The following JCAD variants were observed in gnomAD, a reference collection of about 807,000 sequenced individuals.
JCAD encodes junctional cadherin 5 associated.
Under a neutral mutation model 98.0 loss-of-function variants are expected in JCAD, and 40 were observed. The ratio of observed to expected loss-of-function variants is 0.41; its 90% CI spans 0.32 to 0.53. The LOEUF (loss-of-function observed/expected upper bound fraction) is 0.53, where lower values mean the gene tolerates loss of function less well. Ranked by LOEUF, JCAD falls within the 20% of genes least tolerant of loss-of-function variation. The probability of loss-of-function intolerance (pLI) is 0.31; values close to 1 mark genes in which losing one functional copy is unlikely to be tolerated. For missense variants in JCAD, 1,705 were observed against 1,738.1 expected (o/e 0.98, Z 0.34); for synonymous variants, 691 against 682.3 (o/e 1.01, Z -0.20).
intron 2 of JCAD, among the ~76,000 whole-genome samples, chr10:30,036,544 G>A (rs776792543): frequency 6.6e-6 from 1 of 152,186 alleles, no homozygotes; most frequent in East Asian, 1.9e-4. Context: ...AGGTCCTCAT[G>A]AGCCACACTG....
intron 1 of JCAD, among the ~76,000 whole-genome samples, chr10:30,089,563 G>C (rs896210205): frequency 6.8e-6 from 1 of 146,002 alleles, no homozygotes; most frequent in African/African-American, 2.7e-5. Context: ...TGCTACTAAT[G>C]GCTGTCAGGG....
At chr10:30,054,789 C>A (rs895509930) in intron 1 of JCAD, among the ~76,000 whole-genome samples, 1 of 151,644 alleles carries the variant, frequency 6.6e-6, no homozygotes, top group Non-Finnish European at 1.5e-5. Flanking sequence ...CCTGCCTCAG[C>A]CTCCGGAGTA....
intron 1 of JCAD, among the ~76,000 whole-genome samples, chr10:30,083,852 C>T (rs772589142): frequency 1.1e-4 from 16 of 151,972 alleles, no homozygotes; most frequent in Admixed American, 3.9e-4. Context: ...CATAGTGAGA[C>T]GCCATCTTTA....
chr10:30,099,462 A>G (rs1349608636), intron 1 of JCAD, among the ~76,000 whole-genome samples: 1 of 152,154 alleles, frequency 6.6e-6, no homozygotes, highest in Non-Finnish European at 1.5e-5. Context: ...ATTTCTTGAT[A>G]TAAATAACTC....
At chr10:30,023,122 C>T (rs1369531542) in intron 3 of JCAD, among the ~76,000 whole-genome samples, 1 of 152,174 alleles carries the variant, frequency 6.6e-6, no homozygotes, top group Non-Finnish European at 1.5e-5. Context: ...ACTGTAACCT[C>T]TGGCTCCCGG....
intron 3 of JCAD, among the ~76,000 whole-genome samples, chr10:30,020,431 CCAG>C (rs1300677493): frequency 1.3e-5 from 2 of 152,028 alleles, no homozygotes; most frequent in African/African-American, 4.8e-5. Context: ...TCCAATTTTT[CCAG>C]CAGCAAAATG....
chr10:30,028,226 A>G lies in JCAD; in HGVS notation c.1922T>C (p.Met641Thr), dbSNP rs1215228580. 1.9e-6 allele frequency: 3 copies of G among 1,613,950 alleles called. No individual in the cohort carries two copies. Among genetic ancestry groups the G allele is most frequent in the Middle Eastern group, 1.6e-4 (1 of 6,084 alleles). ...TTTTTGGAACTCCGTTCTCCCACCC[A>G]TGCTTCCTGTGAGGGCCTGCAGCTC... ...DLELQALTGS[M>T]GGRTEFQKQD... The change falls in exon 3 of 4, where the codon ATG becomes ACG. Residue 641 changes from methionine to threonine, a missense_variant. Physicochemically the swap from Met to Thr is moderately conservative, Grantham distance 81 (BLOSUM62 -1). Around this residue, in one of 3 missense-constraint regions of JCAD, gnomAD observed 1,278 missense variants for 1,243.1 expected, o/e 1.03. Transcript: ENST00000375377.
chr10:30,064,884 C>A (rs1203811048), intron 2 of JCAD, among the ~76,000 whole-genome samples: 1 of 152,188 alleles, frequency 6.6e-6, no homozygotes, highest in Admixed American at 6.5e-5. Context: ...GTTGGTCAGG[C>A]TGGTCTCGAA....
At position 30,017,015 on chromosome 10, in the gene JCAD, C is replaced by T. The variant is rs1004133996; in HGVS notation, c.*868G>A. The T allele has an allele frequency of 1.5e-4, 23 of 152,146 alleles. No individual in the cohort carries two copies. The highest frequency in any genetic ancestry group is 5.1e-4 in the African/African-American group (21 of 41,436). The allele number at this position is 152,146 out of a possible 1,614,324, so 9.4% of individuals were successfully genotyped here. A position where few individuals can be genotyped will look rare whatever the true frequency, so the allele number is the denominator to read the frequency against. ...ATACAGACTCTTAAATAAAATAATACTTCCTTAAAAATCTGCCGCCTAACA... is the reference window on the plus strand; with the variant it reads ...ATACAGACTCTTAAATAAAATAATATTTCCTTAAAAATCTGCCGCCTAACA... On this transcript the variant is annotated 3_prime_UTR_variant, in exon 4 of 4. Transcript: ENST00000375377.
chr10:30,036,654 G>A (rs1189717533), intron 2 of JCAD, among the ~76,000 whole-genome samples: 1 of 152,192 alleles, frequency 6.6e-6, no homozygotes, highest in East Asian at 1.9e-4. Context: ...CCAGAGGCTT[G>A]CTGCCTGCCT....
Position 30,028,592 on chromosome 10 carries a change from C to A in JCAD, c.1556G>T (p.Arg519Leu), listed in dbSNP as rs749663289. The A allele has an allele frequency of 1.2e-6, 2 of 1,613,804 alleles. No individual in the cohort carries two copies. Among genetic ancestry groups the A allele is most frequent in the African/African-American group, 1.3e-5 (1 of 74,926 alleles). Residue 519 changes from arginine (R) to leucine (L), a missense_variant, in exon 3 of 4, where the codon CGC (arginine) becomes CTC (leucine). Physicochemically the swap from Arg to Leu is moderately radical, Grantham distance 102 (BLOSUM62 -2). This residue lies in a region of JCAD where 1,278 missense variants were observed against 1,243.1 expected (regional missense o/e 1.03). Coordinates refer to ENST00000375377, the MANE Select transcript of JCAD (RefSeq NM_020848.4). ...AGGCCACTGTCCCCTTGCCACACAGCGGTCTCTCTGGTTGGGGAGGCCACT... is the reference window on the plus strand; with the variant it reads ...AGGCCACTGTCCCCTTGCCACACAGAGGTCTCTCTGGTTGGGGAGGCCACT... ...ENSGLPNQRD[R>L]CVARGQWPDV...
rs756360089 is a variant in JCAD, at chr10:30,029,568, T to C, written c.580A>G (p.Lys194Glu). ...CCATCAGACATCTGCCTCCCTAATT[T>C]CCTTGGCTGGTTCCAGCTTTCCAGG... ...VSLESWNQPR[K>E]LGRQMSDGDG... The change falls in exon 3 of 4, where the codon AAA becomes GAA. Residue 194 changes from lysine (K) to glutamate (E), a missense_variant. By Grantham distance (56) the Lys-to-Glu change is moderately conservative. This residue lies in a region of JCAD where 275 missense variants were observed against 346.9 expected (regional missense o/e 0.79). Coordinates refer to ENST00000375377, the MANE Select transcript of JCAD (RefSeq NM_020848.4). 53 of 1,614,192 alleles carry C rather than the reference T, an allele frequency of 3.3e-5. No individual in the cohort carries two copies. Among genetic ancestry groups the C allele is most frequent in the Non-Finnish European group, 4.5e-5 (53 of 1,180,024 alleles).
chr10:30,029,198 T>C lies in JCAD; in HGVS notation c.950A>G (p.Gln317Arg), dbSNP rs2132618701. ...CCTGGGGACATAGGCGTCCATCTGC[T>C]GGCTGTCCTGAGAGTCACTGCTGTC... is the stretch of plus-strand genomic sequence containing the variant. ...GADSSDSQDS[Q>R]QMDAYVPRHE... The change falls in exon 3 of 4, where the codon CAG (glutamine) becomes CGG (arginine). Residue 317 changes from glutamine (Q) to arginine (R), a missense_variant. Physicochemically the swap from Gln to Arg is conservative, Grantham distance 43 (BLOSUM62 1). This residue lies in a region of JCAD where 275 missense variants were observed against 346.9 expected (regional missense o/e 0.79). Transcript: ENST00000375377. 6.2e-7 allele frequency: 1 copy of C among 1,614,182 alleles called. No homozygotes were observed. The highest frequency in any genetic ancestry group is 2.2e-5 in the East Asian group (1 of 44,868).
chr10:30,092,968 A>T (rs546380953), intron 1 of JCAD, among the ~76,000 whole-genome samples: 2 of 152,274 alleles, frequency 1.3e-5, no homozygotes, highest in South Asian at 4.2e-4. Context: ...CTTATTCTGA[A>T]AGTGAAAAGA....
At chr10:30,055,741 T>G (rs897718693) in intron 1 of JCAD, among the ~76,000 whole-genome samples, 5 of 152,176 alleles carry the variant, frequency 3.3e-5, no homozygotes, top group African/African-American at 1.2e-4. Context: ...AACAAATGAG[T>G]TGGAAAACTT....
chr10:30,031,528 G>A (rs1481733417), intron 2 of JCAD, among the ~76,000 whole-genome samples: 1 of 137,254 alleles, frequency 7.3e-6, no homozygotes, highest in African/African-American at 2.8e-5. Flanking sequence ...TGCCACCTCC[G>A]CCTCCTGGGT....
chr10:30,039,146 AG>A (rs1200863232), intron 2 of JCAD, among the ~76,000 whole-genome samples: 1 of 152,180 alleles, frequency 6.6e-6, no homozygotes, highest in African/African-American at 2.4e-5. Flanking sequence ...GACTCCCTAG[AG>A]GGCCAGATGC....
intron 1 of JCAD, among the ~76,000 whole-genome samples, chr10:30,049,357 T>TA (rs764845937): frequency 5.9e-5 from 9 of 152,092 alleles, no homozygotes; most frequent in Admixed American, 1.3e-4. Context: ...CGTGTGCAGG[T>TA]GAAAGGAAGA....
In JCAD at chr10:30,015,508, G is replaced by GTATAAA. The variant is rs1422887092; in HGVS notation, c.*2369_*2374dup. On this transcript the variant is annotated 3_prime_UTR_variant, in exon 4 of 4. Coordinates refer to ENST00000375377, the MANE Select transcript of JCAD (RefSeq NM_020848.4). Reference sequence around the variant, plus strand: ...TAGGCTTAAATTTAGAACAGTTAAAGTATAAATGTTGAAAATTTCAACTTA... The same window carrying GTATAAA: ...TAGGCTTAAATTTAGAACAGTTAAAGTATAAATATAAATGTTGAAAATTTCAACTTA... 4.6e-5 allele frequency: 7 copies of GTATAAA among 152,164 alleles called. No individual in the cohort carries two copies. The highest frequency in any genetic ancestry group is 8.8e-5 in the Non-Finnish European group (6 of 68,012). 9.4% of individuals were successfully genotyped at this position (152,164 alleles called of 1,614,324 possible).
Sources: gnomAD v4.1 joint callset for allele counts (sites outside exome capture counted in the v4.1 genomes callset) on GRCh38, gnomAD v4.1.1 for gene constraint, gnomAD v4.1.1 regional missense constraint, MANE v1.5 for transcripts, NCBI Gene and HGNC (gene_info 2026-07-23, HGNC 2026-07-21) for gene names.